SLC7A2: variants seen among roughly 807,000 people sequenced by gnomAD.
SLC7A2 encodes the protein solute carrier family 7 member 2.
SLC7A2 carries 48 observed loss-of-function variants against 58.9 expected under a neutral mutation model. That is an observed-to-expected ratio of 0.82 (90% confidence interval 0.65 to 1.04). SLC7A2 has a LOEUF of 1.04. Among genes scored for constraint, SLC7A2 ranks in the 50% least tolerant of loss-of-function variants. The pLI is 0.00. For synonymous variants in SLC7A2, 363 were observed against 314.5 expected (o/e 1.15, Z -1.63); for missense variants, 1,029 against 818.8 (o/e 1.26, Z -3.13).
Position 17,551,809 on chromosome 8 carries a change from T to A in SLC7A2, c.878T>A (p.Val293Glu), listed in dbSNP as rs762283658. 7 of 1,613,920 alleles carry A rather than the reference T, an allele frequency of 4.3e-6. No homozygotes were observed. The Admixed American group carries it at 1.2e-4, about 27-fold the overall frequency. Residue 293 changes from valine (V) to glutamate (E), a missense_variant, in exon 7 of 13, where the codon GTG becomes GAG. By Grantham distance (121) the Val-to-Glu change is moderately radical. Coordinates refer to ENST00000494857, the MANE Select transcript of SLC7A2 (RefSeq NM_001370338.1). ...NPQKAIPIGI[V>E]TSLLVCFMAY... is the part of the protein sequence containing the mutation. ...CAGAAAGCTATTCCCATTGGAATTG[T>A]GACGTCTTTGCTTGTTTGCTTTATG... is the stretch of plus-strand genomic sequence containing the variant.
intron 2 of SLC7A2, among the ~76,000 whole-genome samples, chr8:17,536,556 C>T (rs779105120): frequency 1.2e-4 from 19 of 152,084 alleles, no homozygotes; most frequent in African/African-American, 3.6e-4. Context: ...AACAAACAAA[C>T]GAACAAACAA....
chr8:17,538,479 TACC>T (rs1165290448), intron 2 of SLC7A2, among the ~76,000 whole-genome samples: 1 of 152,252 alleles, frequency 6.6e-6, no homozygotes, highest in Non-Finnish European at 1.5e-5. Flanking sequence ...GCTGAACAGT[TACC>T]ACATGTGATA....
intron 1 of SLC7A2, chr8:17,500,336 C>T (rs1376987122): frequency 6.6e-6 from 1 of 152,194 alleles, no homozygotes; most frequent in Non-Finnish European, 1.5e-5. Context: ...AATTTGTCCG[C>T]ATTCCTCTTA....
intron 2 of SLC7A2, among the ~76,000 whole-genome samples, chr8:17,543,095 GCTACAGGAAATTGAA>G (rs1801984585): frequency 6.6e-6 from 1 of 152,052 alleles, no homozygotes; most frequent in Non-Finnish European, 1.5e-5. Context: ...GGACGTGTAT[GCTACAGGAAATTGAA>G]CTACAGGAAA....
At chr8:17,528,187 C>G (rs370325776) in intron 2 of SLC7A2, among the ~76,000 whole-genome samples, 1 of 151,976 alleles carries the variant, frequency 6.6e-6, no homozygotes, top group African/African-American at 2.4e-5. Flanking sequence ...AGGAGCAGAC[C>G]CAGCAGAGCT....
chr8:17,525,968 A>G (rs961866788), intron 2 of SLC7A2, among the ~76,000 whole-genome samples: 1 of 152,178 alleles, frequency 6.6e-6, no homozygotes, highest in Non-Finnish European at 1.5e-5. Flanking sequence ...TAATTTGCAT[A>G]TACCTTAGAA....
At chr8:17,506,809 G>C (rs1800383915) in intron 2 of SLC7A2, among the ~76,000 whole-genome samples, 1 of 151,112 alleles carries the variant, frequency 6.6e-6, no homozygotes, top group Non-Finnish European at 1.5e-5. Flanking sequence ...GGAGTGCAGT[G>C]GCGCAATCTC....
chr8:17,519,295 G>A (rs1481582889), intron 2 of SLC7A2, among the ~76,000 whole-genome samples: 1 of 152,136 alleles, frequency 6.6e-6, no homozygotes, highest in Non-Finnish European at 1.5e-5. Flanking sequence ...AACATAGTAC[G>A]TGCTTGATAA....
intron 6 of SLC7A2, among the ~76,000 whole-genome samples, chr8:17,551,410 C>T (rs1160928265): frequency 6.6e-6 from 1 of 152,068 alleles, no homozygotes; most frequent in African/African-American, 2.4e-5. Context: ...ACTAGACTGG[C>T]CAACATGGTG....
chr8:17,533,985 G>A (rs1801561562), intron 2 of SLC7A2, among the ~76,000 whole-genome samples: 1 of 151,952 alleles, frequency 6.6e-6, no homozygotes, highest in Non-Finnish European at 1.5e-5. Context: ...TCATTGCTCA[G>A]CTCCCACTTA....
At chr8:17,519,548 C>G (rs2213906) in intron 2 of SLC7A2, among the ~76,000 whole-genome samples, 93,304 of 152,004 alleles carry the variant, frequency 0.61, 29,133 homozygotes, top group Non-Finnish European at 0.64. Context: ...CCTGTCCCTC[C>G]GGGTCAGCCT....
chr8:17,497,247 T>C lies in SLC7A2; in HGVS notation c.-69+10T>C, dbSNP rs1219022515. ...CCCCAACCCAGCCCCAGTAAGTTGC[T>C]AGGTCTCCAGCCCCGCCGAGAGGCC... On this transcript the variant is annotated intron_variant, in intron 1 of 12. Transcript: ENST00000494857. 6.6e-6 allele frequency: 1 copy of C among 151,706 alleles called. No homozygotes were observed. The highest frequency in any genetic ancestry group is 6.6e-5 in the Admixed American group (1 of 15,266). The allele number at this position is 151,706 out of a possible 1,614,324, so 9.4% of individuals were successfully genotyped here.
chr8:17,511,986 G>C (rs1336562754), intron 2 of SLC7A2, among the ~76,000 whole-genome samples: 1 of 152,116 alleles, frequency 6.6e-6, no homozygotes. Flanking sequence ...TGGCGTACTT[G>C]GCTGAAGATA....
At chr8:17,532,229 CAAAAAAAAAA>C (rs534441508) in intron 2 of SLC7A2, among the ~76,000 whole-genome samples, 33 of 46,194 alleles carry the variant, frequency 7.1e-4, no homozygotes, top group Middle Eastern at 0.02. Context: ...GACTCTATCT[CAAAAAAAAAA>C]AAAAAAAAAA....
At chr8:17,531,821 G>C (rs1357758702) in intron 2 of SLC7A2, among the ~76,000 whole-genome samples, 1 of 152,018 alleles carries the variant, frequency 6.6e-6, no homozygotes, top group Non-Finnish European at 1.5e-5. Context: ...ATTGTTTCAA[G>C]TAAAGTAACA....
At chr8:17,522,576 C>G (rs1262571100) in intron 2 of SLC7A2, among the ~76,000 whole-genome samples, 1 of 152,150 alleles carries the variant, frequency 6.6e-6, no homozygotes, top group Non-Finnish European at 1.5e-5. Flanking sequence ...ACAGGGGATG[C>G]TGCTTGTCCT....
chr8:17,537,983 C>T (rs916581088), intron 2 of SLC7A2, among the ~76,000 whole-genome samples: 1 of 152,134 alleles, frequency 6.6e-6, no homozygotes, highest in African/African-American at 2.4e-5. Context: ...ATGCCTTATT[C>T]CCACTGTGAT....
intron 1 of SLC7A2, chr8:17,499,349 C>G (rs1419451035): frequency 6.7e-6 from 1 of 149,064 alleles, no homozygotes; most frequent in Non-Finnish European, 1.5e-5. Context: ...CTGTCTCTCT[C>G]TCTCTCTCCC....
chr8:17,501,989 C>G (rs1050566508), intron 1 of SLC7A2, among the ~76,000 whole-genome samples: 12 of 151,738 alleles, frequency 7.9e-5, no homozygotes, highest in African/African-American at 2.9e-4. Flanking sequence ...ACTAGTTTTT[C>G]CCACAGTTGT....
Sources: gnomAD v4.1 joint callset for allele counts (sites outside exome capture counted in the v4.1 genomes callset) on GRCh38, gnomAD v4.1.1 for gene constraint, MANE v1.5 for transcripts, NCBI Gene and HGNC (gene_info 2026-07-23, HGNC 2026-07-21) for gene names.